NELL1: variants seen among roughly 807,000 people sequenced by gnomAD.
NELL1 encodes the protein neural EGFL like 1, also known as protein kinase C-binding protein NELL1.
In NELL1, 76 loss-of-function variants were observed where a neutral mutation model predicts 107.4. The ratio of observed to expected loss-of-function variants is 0.71; its 90% CI spans 0.59 to 0.86. NELL1 has a LOEUF of 0.86. Among genes scored for constraint, NELL1 ranks in the 40% least tolerant of loss-of-function variants. The probability of loss-of-function intolerance (pLI) is 0.00; values close to 1 mark genes in which losing one functional copy is unlikely to be tolerated. For synonymous variants in NELL1, 353 were observed against 341.2 expected, an observed-to-expected ratio of 1.03 and a Z score of -0.38; for missense variants, 1,024 against 1,005.5, an observed-to-expected ratio of 1.02 and a Z score of -0.25.
At chr11:21,224,122 C>T (rs924889374) in intron 13 of NELL1, among the ~76,000 whole-genome samples, 1 of 152,122 alleles carries the variant, frequency 6.6e-6, no homozygotes, top group Non-Finnish European at 1.5e-5. Context: ...GAAAGTTTGA[C>T]TATAATGTGC....
At chr11:20,770,336 G>T (rs1224039285) in intron 2 of NELL1, among the ~76,000 whole-genome samples, 1 of 152,120 alleles carries the variant, frequency 6.6e-6, no homozygotes, top group South Asian at 2.1e-4. Flanking sequence ...TAAAGAGGAG[G>T]TCCATTTTTA....
chr11:20,881,791 C>T (rs772750940), intron 4 of NELL1, among the ~76,000 whole-genome samples: 5 of 151,878 alleles, frequency 3.3e-5, no homozygotes, highest in Non-Finnish European at 7.4e-5. Flanking sequence ...ATGCATGTGT[C>T]TGTCTCAGGC....
intron 13 of NELL1, among the ~76,000 whole-genome samples, chr11:21,177,046 C>T (rs1856728739): frequency 6.6e-6 from 1 of 151,624 alleles, no homozygotes; most frequent in African/African-American, 2.4e-5. Context: ...ATGGGATGAT[C>T]AAATCAGGCT....
chr11:20,951,511 G>C (rs1851068003), intron 11 of NELL1, among the ~76,000 whole-genome samples: 1 of 152,162 alleles, frequency 6.6e-6, no homozygotes, highest in African/African-American at 2.4e-5. Context: ...TGGTCTCCAA[G>C]CTAGGGGCTC....
At chr11:20,888,415 T>C (rs1341694882) in intron 5 of NELL1, among the ~76,000 whole-genome samples, 1 of 150,902 alleles carries the variant, frequency 6.6e-6, no homozygotes, top group Admixed American at 6.6e-5. Context: ...GATAGCTTCT[T>C]AGATATGTAT....
intron 3 of NELL1, among the ~76,000 whole-genome samples, chr11:20,796,857 A>G (rs953803864): frequency 6.6e-6 from 1 of 152,220 alleles, no homozygotes; most frequent in Admixed American, 6.5e-5. Flanking sequence ...GGAGTCAGAA[A>G]TTCTTTCCAC....
intron 13 of NELL1, among the ~76,000 whole-genome samples, chr11:21,117,722 A>G (rs1412267130): frequency 6.6e-6 from 1 of 151,986 alleles, no homozygotes; most frequent in Admixed American, 6.6e-5. Context: ...TGCATACCAT[A>G]TTCACTTTGG....
intron 12 of NELL1, among the ~76,000 whole-genome samples, chr11:21,055,639 G>T (rs773501475): frequency 2.0e-5 from 3 of 151,986 alleles, no homozygotes; most frequent in Non-Finnish European, 4.4e-5. Flanking sequence ...GATATTGACC[G>T]ACGGTTTTAT....
chr11:20,874,469 G>A (rs1186108871), intron 4 of NELL1, among the ~76,000 whole-genome samples: 4 of 152,218 alleles, frequency 2.6e-5, no homozygotes, highest in Non-Finnish European at 5.9e-5. Flanking sequence ...TTACTGAATA[G>A]TATTTAGTCG....
In NELL1 at chr11:21,339,560, A is replaced by G. The variant is rs1850515403; in HGVS notation, c.1550-31293A>G. On this transcript the variant is annotated intron_variant, in intron 14 of 19. Coordinates refer to ENST00000357134, the MANE Select transcript of NELL1 (RefSeq NM_006157.5). ...ATTTCTTTTCATCGTGTCAGTGCCA[A>G]TACTGATAATTATGTTTCCTGGTTT... Among the ~76,000 whole-genome samples, 4 of 152,198 alleles carry G rather than the reference A, an allele frequency of 2.6e-5. No individual in the cohort carries two copies. In the South Asian group the frequency reaches 8.3e-4, roughly 32 times the overall value.
chr11:21,534,529 G>A lies in NELL1; in HGVS notation c.1786+15G>A, dbSNP rs374661488. On this transcript the variant is annotated intron_variant, in intron 16 of 19. Coordinates refer to ENST00000357134, the MANE Select transcript of NELL1 (RefSeq NM_006157.5). ...GTCCTGTATTGGTAAGCAGCTTTCAGGCATGCCCTCCAACTGCTTGGACCT... is the reference window on the plus strand; with the variant it reads ...GTCCTGTATTGGTAAGCAGCTTTCAAGCATGCCCTCCAACTGCTTGGACCT... The A allele has an allele frequency of 1.4e-5, 23 of 1,613,376 alleles. No homozygotes were observed. The Admixed American group carries it at 3.3e-4, about 23-fold the overall frequency.
intron 13 of NELL1, among the ~76,000 whole-genome samples, chr11:21,175,892 A>T (rs952497300): frequency 6.6e-6 from 1 of 151,866 alleles, no homozygotes; most frequent in African/African-American, 2.4e-5. Flanking sequence ...GGCATTTAGG[A>T]TCTTTAGTTG....
At chr11:21,278,959 C>T (rs1848933128) in intron 14 of NELL1, among the ~76,000 whole-genome samples, 1 of 152,002 alleles carries the variant, frequency 6.6e-6, no homozygotes, top group Non-Finnish European at 1.5e-5. Context: ...GACTAGAGAG[C>T]CAGAAATAGA....
At chr11:21,494,966 C>G (rs890322630) in intron 15 of NELL1, among the ~76,000 whole-genome samples, 42 of 152,082 alleles carry the variant, frequency 2.8e-4, no homozygotes, top group African/African-American at 9.2e-4. Context: ...TGGTTTTTCT[C>G]TTGGTATTCT....
chr11:21,208,436 AAT>A (rs1464535391), intron 13 of NELL1, among the ~76,000 whole-genome samples: 2 of 149,982 alleles, frequency 1.3e-5, no homozygotes, highest in African/African-American at 2.4e-5. Flanking sequence ...TATTATATAT[AAT>A]ATGTCATATT....
At chr11:20,872,777 A>T (rs921176212) in intron 4 of NELL1, among the ~76,000 whole-genome samples, 16 of 150,836 alleles carry the variant, frequency 1.1e-4, no homozygotes, top group Admixed American at 8.7e-4. Context: ...CCTTACCATA[A>T]CTGCTAGTCC....
chr11:21,281,619 T>G (rs2133947956), intron 14 of NELL1, among the ~76,000 whole-genome samples: 1 of 152,212 alleles, frequency 6.6e-6, no homozygotes, highest in South Asian at 2.1e-4. Flanking sequence ...CTTTGATGGC[T>G]TAAGGACTGA....
At chr11:21,366,458 G>A (rs1168743312) in intron 14 of NELL1, among the ~76,000 whole-genome samples, 3 of 151,988 alleles carry the variant, frequency 2.0e-5, no homozygotes, top group Admixed American at 6.6e-5. Flanking sequence ...GTCTATAGGG[G>A]CCAGCTTTTA....
intron 3 of NELL1, among the ~76,000 whole-genome samples, chr11:20,826,219 G>A (rs1857880605): frequency 6.6e-6 from 1 of 151,182 alleles, no homozygotes; most frequent in Non-Finnish European, 1.5e-5. Flanking sequence ...GACTAATATA[G>A]TAGTCCAGAG....
Sources: allele counts gnomAD v4.1 joint callset (sites outside exome capture counted in the v4.1 genomes callset), GRCh38; gene constraint gnomAD v4.1.1; transcripts MANE v1.5; gene names NCBI Gene and HGNC (gene_info 2026-07-23, HGNC 2026-07-21).